The following ITGB4 variants were observed in gnomAD, a reference collection of about 807,000 sequenced individuals.
ITGB4 encodes the protein integrin beta-4.
A neutral mutation model predicts 207.6 loss-of-function variants in ITGB4; 159 were observed. The observed-to-expected ratio is 0.77, with a 90% CI of 0.67 to 0.87. The LOEUF is 0.87. Among genes scored for constraint, ITGB4 ranks in the 40% least tolerant of loss-of-function variants. ITGB4 has a pLI of 0.00. For synonymous variants in ITGB4, 1,020 were observed against 1,062.7 expected (o/e 0.96, Z 0.78); for missense variants, 2,278 against 2,546.8 (o/e 0.89, Z 2.27).
rs749366441 is a variant in ITGB4, at chr17:75,742,925, G to A, written c.2962+164G>A. On this transcript the variant is annotated intron_variant, in intron 25 of 39. Coordinates refer to ENST00000200181, the MANE Select transcript of ITGB4 (RefSeq NM_000213.5). The surrounding 1 kb of genome is among the most constrained non-coding windows in gnomAD (Gnocchi z 5.9). ...TAAAATGGGTAAGGGCTCTTTTACG[G>A]AATGCGTGGCTGTTCACCTCGCCAC... Among the ~76,000 whole-genome samples, 6 of 152,218 alleles carry A rather than the reference G, an allele frequency of 3.9e-5. No homozygotes were observed. Among genetic ancestry groups the A allele is most frequent in the Non-Finnish European group, 8.8e-5 (6 of 68,038 alleles).
At chr17:75,753,194 T>C (rs2061407290) in intron 32 of ITGB4, among the ~76,000 whole-genome samples, 1 of 152,254 alleles carries the variant, frequency 6.6e-6, no homozygotes. Context: ...TATTTTCTTC[T>C]GTCCCTGCCG....
At chr17:75,746,813 C>G (rs1568371870) in intron 26 of ITGB4, among the ~76,000 whole-genome samples, 1 of 151,354 alleles carries the variant, frequency 6.6e-6, no homozygotes. Context: ...TTGTGGTGTG[C>G]ACCTGTGGTC....
chr17:75,740,436 A>G lies in ITGB4; in HGVS notation c.2525A>G (p.Gln842Arg). ...LLKPDTRECA[Q>R]LRQEVEENLN... Reference sequence around the variant, plus strand: ...AAGCCTGACACTCGGGAGTGCGCCCAGCTGCGCCAGGAGGTGGAGGAGAAC... The same window carrying G: ...AAGCCTGACACTCGGGAGTGCGCCCGGCTGCGCCAGGAGGTGGAGGAGAAC... The change falls in exon 21 of 40, where the codon CAG becomes CGG. Residue 842 changes from glutamine (Q) to arginine (R), a missense_variant. Coordinates refer to ENST00000200181, the MANE Select transcript of ITGB4 (RefSeq NM_000213.5). This position sits in a 1 kb window ranked among gnomAD's most constrained non-coding sequence, Gnocchi z 5.9. 2 of 1,613,724 alleles carry G rather than the reference A, an allele frequency of 1.2e-6. No individual in the cohort carries two copies. Among genetic ancestry groups the G allele is most frequent in the Non-Finnish European group, 1.7e-6 (2 of 1,179,982 alleles).
chr17:75,736,402 A>G lies in ITGB4; in HGVS notation c.1860+16A>G, dbSNP rs991493702. ...CTACTCGGCGGTGAGGCTAAGACCT[A>G]CGAGGTGTGGGCGTGGGAACAGGGC... On this transcript the variant is annotated intron_variant, in intron 15 of 39. Coordinates refer to ENST00000200181, the MANE Select transcript of ITGB4 (RefSeq NM_000213.5). 2 of 1,613,050 alleles carry G rather than the reference A, an allele frequency of 1.2e-6. No homozygotes were observed. Among genetic ancestry groups the G allele is most frequent in the Non-Finnish European group, 8.5e-7 (1 of 1,179,054 alleles).
chr17:75,755,013 C>T, intron 34 of ITGB4, 198 bp downstream of exon 34: 1 of 1,579,124 alleles, frequency 6.3e-7, no homozygotes, highest in Non-Finnish European at 8.6e-7. Flanking sequence ...CACATGCATG[C>T]ACACTCCCTG....
At chr17:75,751,422 G>A (rs2061364636) in intron 30 of ITGB4, among the ~76,000 whole-genome samples, 2 of 152,200 alleles carry the variant, frequency 1.3e-5, no homozygotes, top group Admixed American at 6.5e-5. Context: ...TTTTCTTAGG[G>A]TGAGAGGAAA....
chr17:75,750,898 TGCC>T lies in ITGB4; in HGVS notation c.3655+39_3655+41del. The T allele has an allele frequency of 6.2e-7, 1 of 1,613,026 alleles. No homozygotes were observed. Among genetic ancestry groups the T allele is most frequent in the Admixed American group, 1.7e-5 (1 of 60,018 alleles). On this transcript the variant is annotated intron_variant, in intron 29 of 39. Coordinates refer to ENST00000200181, the MANE Select transcript of ITGB4 (RefSeq NM_000213.5). This position sits in a 1 kb window ranked among gnomAD's most constrained non-coding sequence, Gnocchi z 5.5. ...CATGTCTGTCCATTTGTCCCCTGGC[TGCC>T]CTGATGCCAGCATGCCCAGACCTCC...
intron 34 of ITGB4, 146 bp downstream of exon 34, chr17:75,754,961 C>CACCT: frequency 1.3e-6 from 2 of 1,531,546 alleles, no homozygotes; most frequent in Non-Finnish European, 1.8e-6. Flanking sequence ...CACGTGCACA[C>CACCT]GCATGCACAC....
At position 75,732,111 on chromosome 17, in the gene ITGB4, G is replaced by A. The variant is rs1034808987; in HGVS notation, c.1378-52G>A. 2.4e-5 allele frequency: 39 copies of A among 1,608,600 alleles called. No individual in the cohort carries two copies. The highest frequency in any genetic ancestry group is 6.7e-5 in the African/African-American group (5 of 74,808). ...ACACAGGAGAGCGGAAGTGTCCAGT[G>A]GCCCCGGTCCTGCTCCCCCGACGCA... On this transcript the variant is annotated intron_variant, in intron 11 of 39. Coordinates refer to ENST00000200181, the MANE Select transcript of ITGB4 (RefSeq NM_000213.5). This position sits in a 1 kb window ranked among gnomAD's most constrained non-coding sequence, Gnocchi z 5.3.
Position 75,757,407 on chromosome 17 carries a change from C to G in ITGB4, c.5330-9C>G, listed in dbSNP as rs1375340162. 3 of 1,613,132 alleles carry G rather than the reference C, an allele frequency of 1.9e-6. No individual in the cohort carries two copies. The highest frequency in any genetic ancestry group is 2.5e-6 in the Non-Finnish European group (3 of 1,179,984). On this transcript the variant is annotated splice_polypyrimidine_tract_variant and intron_variant, in intron 39 of 39. Coordinates refer to ENST00000200181, the MANE Select transcript of ITGB4 (RefSeq NM_000213.5). ...CAAGCCAGGTCATCTAATGCCTCCTCCTCCACAGATGGGCTGACCCTGGGG... is the reference window on the plus strand; with the variant it reads ...CAAGCCAGGTCATCTAATGCCTCCTGCTCCACAGATGGGCTGACCCTGGGG...
At chr17:75,733,789 T>A in intron 13 of ITGB4, 97 bp downstream of exon 13, 2 of 1,341,898 alleles carry the variant, frequency 1.5e-6, no homozygotes, top group Non-Finnish European at 1.0e-6. Flanking sequence ...GAGCCAGACT[T>A]GGAATCAGAA....
chr17:75,737,647 G>A lies in ITGB4; in HGVS notation c.2220+3G>A. 6.2e-7 allele frequency: 1 copy of A among 1,611,946 alleles called. No homozygotes were observed. Among genetic ancestry groups the A allele is most frequent in the Non-Finnish European group, 8.5e-7 (1 of 1,179,552 alleles). ...GGAAGTACTGTGCCTGCTGCAAGGT[G>A]AGCACCCAGGGTGCCTCCCAAGGCC... On this transcript the variant is annotated splice_donor_region_variant and intron_variant, in intron 18 of 39. Coordinates refer to ENST00000200181, the MANE Select transcript of ITGB4 (RefSeq NM_000213.5).
Position 75,742,667 on chromosome 17 carries a change from C to T in ITGB4, c.2868C>T (p.Asp956=), listed in dbSNP as rs755018113. Residue 956 remains aspartate, a synonymous_variant, in exon 25 of 40, where the codon GAC becomes GAT. Transcript: ENST00000200181. The surrounding 1 kb of genome is among the most constrained non-coding windows in gnomAD (Gnocchi z 5.9). The part of the protein sequence containing the change: ...VPLFIRPEDD[D]EKQLLVEAID... The stretch of plus-strand genomic sequence containing the variant: ...TCTTTATCCGGCCTGAGGATGACGA[C>T]GAGAAGCAGCTGCTGGTGGAGGCCA... 1.5e-5 allele frequency: 24 copies of T among 1,613,832 alleles called. No individual in the cohort carries two copies. The highest frequency in any genetic ancestry group is 2.7e-5 in the African/African-American group (2 of 74,912).
intron 26 of ITGB4, among the ~76,000 whole-genome samples, chr17:75,747,058 C>T (rs1349451703): frequency 1.3e-5 from 2 of 152,066 alleles, no homozygotes; most frequent in East Asian, 3.8e-4. Flanking sequence ...CCCATTTACC[C>T]TTTACATAGA....
Position 75,740,960 on chromosome 17 carries a change from A to T in ITGB4, c.2610-22A>T, listed in dbSNP as rs375299366. The stretch of plus-strand genomic sequence containing the variant: ...TCCACTTCAGGGCTATCTAGCTCAC[A>T]GCGCCCTCTTTGTCCCCACAGGCAG... On this transcript the variant is annotated intron_variant, in intron 22 of 39. Coordinates refer to ENST00000200181, the MANE Select transcript of ITGB4 (RefSeq NM_000213.5). This position sits in a 1 kb window ranked among gnomAD's most constrained non-coding sequence, Gnocchi z 5.9. 107 of 1,613,922 alleles carry T rather than the reference A, an allele frequency of 6.6e-5. No homozygotes were observed. The Middle Eastern group carries it at 1.6e-3, about 25-fold the overall frequency.
rs949604559 is a variant in ITGB4, at chr17:75,733,507, A to G, written c.1472A>G (p.Asn491Ser). The G allele has an allele frequency of 2.5e-6, 4 of 1,613,182 alleles. No individual in the cohort carries two copies. In the African/African-American group the frequency reaches 4.0e-5, roughly 16 times the overall value. Residue 491 changes from asparagine (N) to serine (S), a missense_variant, in exon 13 of 40, where the codon AAC becomes AGC. Transcript: ENST00000200181. ...TCCTTCAGGAGTGGCCAGACCTGCAACTGCTCCACCGGCTCTCTGAGTGAC... is the reference window on the plus strand; with the variant it reads ...TCCTTCAGGAGTGGCCAGACCTGCAGCTGCTCCACCGGCTCTCTGAGTGAC... ...CSEGWSGQTCNCSTGSLSDIQ... is the reference protein window; with the variant it reads ...CSEGWSGQTCSCSTGSLSDIQ...
rs752852899 is a variant in ITGB4, at chr17:75,756,557, G to A, written c.4837G>A (p.Glu1613Lys). The change falls in exon 36 of 40, where the codon GAG becomes AAG. Residue 1613 changes from glutamate (E) to lysine (K), a missense_variant. Physicochemically the swap from Glu to Lys is moderately conservative, Grantham distance 56. Transcript: ENST00000200181. ...CCAGGAAGGCTGGGGCCGAGAGCGT[G>A]AGGGTGTCATCACCATTGAATCCCA... ...QSQEGWGRER[E>K]GVITIESQVH... 1 of 1,613,232 alleles carries A rather than the reference G, an allele frequency of 6.2e-7. No individual in the cohort carries two copies. The highest frequency in any genetic ancestry group is 1.1e-5 in the South Asian group (1 of 91,090).
chr17:75,755,365 A>G (rs977543395), intron 34 of ITGB4: 37 of 864,024 alleles, frequency 4.3e-5, no homozygotes, highest in Non-Finnish European at 6.1e-5. Flanking sequence ...CTGCCCTACC[A>G]TCAGTGCTGA....
At position 75,756,980 on chromosome 17, in the gene ITGB4, C is replaced by T. The variant is rs150804109; in HGVS notation, c.5091C>T (p.Pro1697=). 176 of 1,612,788 alleles carry T rather than the reference C, an allele frequency of 1.1e-4. No homozygotes were observed. In the African/African-American group the frequency reaches 2.0e-3, roughly 18 times the overall value. Reference sequence around the variant, plus strand: ...CATTCCGGGTGGATGGAGACAGCCCCGAGAGCCGGCTGACCGTGCCGGGCC... The same window carrying T: ...CATTCCGGGTGGATGGAGACAGCCCTGAGAGCCGGCTGACCGTGCCGGGCC... The part of the protein sequence containing the change: ...ATAFRVDGDS[P]ESRLTVPGLS... Residue 1697 remains proline (P), a synonymous_variant, in exon 38 of 40, where the codon CCC becomes CCT. Transcript: ENST00000200181.
Sources: allele counts gnomAD v4.1 joint callset (sites outside exome capture counted in the v4.1 genomes callset), GRCh38; gene constraint gnomAD v4.1.1; non-coding constraint Gnocchi (gnomAD v3.1); transcripts MANE v1.5; gene names NCBI Gene and HGNC (gene_info 2026-07-23, HGNC 2026-07-21).